Variants in CCSER1 observed in about 807,000 individuals in gnomAD.
The protein encoded by CCSER1 is serine-rich coiled-coil domain-containing protein 1.
In CCSER1, 41 loss-of-function variants were observed where a neutral mutation model predicts 82.0. The observed-to-expected ratio is 0.50, with a 90% confidence interval of 0.39 to 0.65. CCSER1 has a LOEUF of 0.65. Ranked by LOEUF, CCSER1 falls within the 30% of genes least tolerant of loss-of-function variation. CCSER1 has a pLI of 0.00. For missense variants in CCSER1, 1,119 were observed against 1,064.2 expected (o/e 1.05, Z -0.72); for synonymous variants, 414 against 383.9 (o/e 1.08, Z -0.92).
At chr4:90,453,854 T>A (rs1322451800) in intron 4 of CCSER1, among the ~76,000 whole-genome samples, 1 of 152,194 alleles carries the variant, frequency 6.6e-6, no homozygotes. Context: ...CTTAAAGGAC[T>A]ACTTCAGTGT....
intron 9 of CCSER1, among the ~76,000 whole-genome samples, chr4:91,005,837 C>CCAATG (rs1165191021): frequency 1.4e-4 from 22 of 152,116 alleles, no homozygotes; most frequent in Admixed American, 2.6e-4. Flanking sequence ...TAGTTCTTTT[C>CCAATG]CAATGTGTGT....
chr4:91,468,753 GAATT>G (rs535713357), intron 10 of CCSER1, among the ~76,000 whole-genome samples: 1,602 of 151,978 alleles, frequency 0.011, 11 homozygotes, highest in Middle Eastern at 0.02. Context: ...AACTGAAAAA[GAATT>G]AATCAGTTTA....
At chr4:91,578,914 G>A (rs1189235363) in intron 10 of CCSER1, among the ~76,000 whole-genome samples, 3 of 151,676 alleles carry the variant, frequency 2.0e-5, no homozygotes, top group African/African-American at 4.8e-5. Flanking sequence ...ATGTCTATTT[G>A]TCTATTCATC....
At chr4:90,943,074 G>A (rs1290258539) in intron 9 of CCSER1, among the ~76,000 whole-genome samples, 1 of 151,652 alleles carries the variant, frequency 6.6e-6, no homozygotes, top group Non-Finnish European at 1.5e-5. Flanking sequence ...TAATGGTCGG[G>A]GAGAGTGAAT....
rs72872916 is a variant in CCSER1 at position 91,144,907 on chromosome 4, C to A, written c.2217+58913C>A. On this transcript the variant is annotated intron_variant, in intron 10 of 10. Transcript: ENST00000509176. ...ACTGTTGTCAGTCTTAAAGTATGTACTGTGTGCAGATGAGAACATACATTG... is the reference window on the plus strand; with the variant it reads ...ACTGTTGTCAGTCTTAAAGTATGTAATGTGTGCAGATGAGAACATACATTG... Among the ~76,000 whole-genome samples the A allele has an allele frequency of 9.0e-3, 1,370 of 152,046 alleles. 19 individuals carry two copies. Among genetic ancestry groups the A allele is most frequent in the African/African-American group, 0.031 (1,285 of 41,494 alleles).
At chr4:90,206,918 C>A (rs1738957645) in intron 1 of CCSER1, among the ~76,000 whole-genome samples, 1 of 151,784 alleles carries the variant, frequency 6.6e-6, no homozygotes, top group Admixed American at 6.6e-5. Context: ...TGCATTGATC[C>A]CTTTACCGTT....
intron 5 of CCSER1, among the ~76,000 whole-genome samples, chr4:90,511,478 T>C (rs1771500137): frequency 6.6e-6 from 1 of 152,154 alleles, no homozygotes; most frequent in Non-Finnish European, 1.5e-5. Context: ...TGGTGAAGAT[T>C]CAAGTGCTAT....
rs2061014 is a variant in CCSER1 at position 90,928,770 on chromosome 4, G to A, written c.2172+5323G>A. Among the ~76,000 whole-genome samples the A allele has an allele frequency of 2.1e-4, 32 of 152,068 alleles. No homozygotes were observed. The South Asian group carries it at 5.6e-3, about 27-fold the overall frequency. ...ATGTGCTTCTTGAAAATTCCTTGAC[G>A]TCCCTTCAGTCAGTAAGAACTAAGC... is the stretch of plus-strand genomic sequence containing the variant. On this transcript the variant is annotated intron_variant, in intron 9 of 10. Transcript: ENST00000509176.
rs1464276978 is a variant in CCSER1 at position 91,207,704 on chromosome 4, G to A, written c.2217+121710G>A. ...TGCGGTGAACATACATGTGCATGTGGCTTCATGGGAGAACAATTTCTATTC... is the reference window on the plus strand; with the variant it reads ...TGCGGTGAACATACATGTGCATGTGACTTCATGGGAGAACAATTTCTATTC... On this transcript the variant is annotated intron_variant, in intron 10 of 10. Transcript: ENST00000509176. Among the ~76,000 whole-genome samples, 5 of 151,888 alleles carry A rather than the reference G, an allele frequency of 3.3e-5. No individual in the cohort carries two copies. The East Asian group carries it at 9.7e-4, about 29-fold the overall frequency.
intron 5 of CCSER1, 43 bp from the exon 6 acceptor site, chr4:90,627,982 C>A: frequency 6.7e-7 from 1 of 1,482,554 alleles, no homozygotes; most frequent in Non-Finnish European, 9.4e-7. Context: ...CTGCTCTAAG[C>A]ATGCTGCACT....
chr4:91,283,755 G>C (rs1581901580), intron 10 of CCSER1, among the ~76,000 whole-genome samples: 1 of 151,340 alleles, frequency 6.6e-6, no homozygotes. Flanking sequence ...ATTTTCTACT[G>C]TTACTAATGC....
intron 1 of CCSER1, among the ~76,000 whole-genome samples, chr4:90,210,145 G>A (rs1440166071): frequency 2.0e-5 from 3 of 152,034 alleles, no homozygotes; most frequent in African/African-American, 7.2e-5. Flanking sequence ...TAGGTAAAAG[G>A]TCTTTTGTTA....
intron 9 of CCSER1, among the ~76,000 whole-genome samples, chr4:91,018,356 G>A (rs1206813412): frequency 6.6e-6 from 1 of 152,008 alleles, no homozygotes; most frequent in Admixed American, 6.6e-5. Flanking sequence ...AAATCGGGTT[G>A]AATTTATCTC....
chr4:91,160,823 T>C (rs1037497683), intron 10 of CCSER1, among the ~76,000 whole-genome samples: 4 of 152,164 alleles, frequency 2.6e-5, no homozygotes, highest in African/African-American at 9.7e-5. Context: ...GATGGGTAGA[T>C]TGCCAAAATA....
chr4:91,509,838 GA>G (rs1395398220), intron 10 of CCSER1, among the ~76,000 whole-genome samples: 3 of 152,112 alleles, frequency 2.0e-5, no homozygotes, highest in African/African-American at 2.4e-5. Flanking sequence ...AAGATATATA[GA>G]TTTTTTTTAC....
chr4:90,141,334 G>A (rs35545901), intron 1 of CCSER1, among the ~76,000 whole-genome samples: 46,347 of 151,894 alleles, frequency 0.31, 9,490 homozygotes, highest in East Asian at 0.65. Context: ...ACTAACATCC[G>A]GAGCAATGTT....
chr4:91,173,122 T>C (rs1345412347), intron 10 of CCSER1, among the ~76,000 whole-genome samples: 2 of 152,208 alleles, frequency 1.3e-5, no homozygotes, highest in African/African-American at 2.4e-5. Context: ...CATATACTTA[T>C]TGACTTTTGA....
chr4:90,491,487 T>A (rs1768003936), intron 5 of CCSER1, among the ~76,000 whole-genome samples: 1 of 152,180 alleles, frequency 6.6e-6, no homozygotes, highest in Admixed American at 6.5e-5. Flanking sequence ...CTTCCTCTTT[T>A]CCTAATTGAA....
chr4:90,901,197 G>A (rs1486597947), intron 8 of CCSER1, among the ~76,000 whole-genome samples: 1 of 151,716 alleles, frequency 6.6e-6, no homozygotes, highest in African/African-American at 2.4e-5. Context: ...CATGAGATAT[G>A]TCTCTTGAAC....
Sources: allele counts gnomAD v4.1 joint callset (sites outside exome capture counted in the v4.1 genomes callset), GRCh38; gene constraint gnomAD v4.1.1; transcripts MANE v1.5; gene names NCBI Gene and HGNC (gene_info 2026-07-23, HGNC 2026-07-21).